The following STX18 variants were observed in gnomAD, a reference collection of about 807,000 sequenced individuals.
The protein encoded by STX18 is syntaxin-18.
A neutral mutation model predicts 50.1 loss-of-function variants in STX18; 40 were observed. The observed-to-expected ratio is 0.80, with a 90% CI of 0.62 to 1.04. The LOEUF (loss-of-function observed/expected upper bound fraction) is 1.04. Among genes scored for constraint, STX18 ranks in the 50% least tolerant of loss-of-function variants. The pLI is 0.00. For synonymous variants in STX18, 158 were observed against 151.8 expected, an observed-to-expected ratio of 1.04 and a Z score of -0.30; for missense variants, 410 against 415.8, an observed-to-expected ratio of 0.99 and a Z score of 0.12.
intron 2 of STX18, among the ~76,000 whole-genome samples, chr4:4,460,540 C>A (rs1041595686): frequency 2.0e-5 from 3 of 152,138 alleles, no homozygotes; most frequent in African/African-American, 7.2e-5. Flanking sequence ...CTTCTCACTC[C>A]CAATCACCAG....
chr4:4,537,360 C>T (rs950619707), intron 1 of STX18, among the ~76,000 whole-genome samples: 4 of 152,214 alleles, frequency 2.6e-5, no homozygotes, highest in African/African-American at 9.6e-5. Flanking sequence ...TCCTTACTCC[C>T]TATTCCCAGA....
intron 1 of STX18, among the ~76,000 whole-genome samples, chr4:4,514,192 G>A (rs1730134513): frequency 1.3e-5 from 2 of 152,190 alleles, no homozygotes; most frequent in Admixed American, 1.3e-4. Flanking sequence ...GAATCATGAA[G>A]AAAAGGATAC....
At chr4:4,515,714 T>C (rs981444094) in intron 1 of STX18, among the ~76,000 whole-genome samples, 4 of 152,178 alleles carry the variant, frequency 2.6e-5, no homozygotes, top group African/African-American at 9.6e-5. Context: ...AAATTACCTA[T>C]AGTTTTCTAA....
chr4:4,427,032 A>C (rs916082039), intron 7 of STX18, among the ~76,000 whole-genome samples: 10 of 152,078 alleles, frequency 6.6e-5, no homozygotes, highest in Non-Finnish European at 1.3e-4. Context: ...CTTGTTACCA[A>C]GTTCCCCTGT....
intron 7 of STX18, among the ~76,000 whole-genome samples, chr4:4,432,388 T>C (rs1351692229): frequency 1.3e-5 from 2 of 152,252 alleles, no homozygotes. Flanking sequence ...GCCACAGTCC[T>C]TCCCTGCTCA....
intron 5 of STX18, among the ~76,000 whole-genome samples, chr4:4,449,875 T>A (rs1726657699): frequency 6.6e-6 from 1 of 152,242 alleles, no homozygotes; most frequent in South Asian, 2.1e-4. Context: ...ATGCTTAAGT[T>A]ATCTCTAATT....
At chr4:4,474,551 C>T (rs1728078827) in intron 1 of STX18, among the ~76,000 whole-genome samples, 1 of 152,154 alleles carries the variant, frequency 6.6e-6, no homozygotes, top group African/African-American at 2.4e-5. Context: ...TAATGCAGCA[C>T]ATGAGTTAAG....
chr4:4,434,252 G>A (rs780023523), intron 7 of STX18, among the ~76,000 whole-genome samples: 4 of 152,300 alleles, frequency 2.6e-5, no homozygotes, highest in East Asian at 1.9e-4. Context: ...ATTGCTGGAC[G>A]TGAGCTGGCA....
At chr4:4,536,193 A>G (rs1043766762) in intron 1 of STX18, among the ~76,000 whole-genome samples, 7 of 152,252 alleles carry the variant, frequency 4.6e-5, no homozygotes, top group African/African-American at 1.7e-4. Context: ...TGTGAGTATC[A>G]CAGAGCTTTA....
chr4:4,499,925 T>C (rs1486502936), intron 1 of STX18, among the ~76,000 whole-genome samples: 1 of 152,162 alleles, frequency 6.6e-6, no homozygotes, highest in Non-Finnish European at 1.5e-5. Flanking sequence ...TTGACCCAAC[T>C]GCTCATGTTC....
chr4:4,497,177 A>G (rs552092133), intron 1 of STX18, among the ~76,000 whole-genome samples: 16 of 152,298 alleles, frequency 1.1e-4, no homozygotes, highest in Admixed American at 2.0e-4. Flanking sequence ...GATGACTCAC[A>G]CACTCCCCAG....
chr4:4,453,764 G>T, intron 5 of STX18: 1 of 727,136 alleles, frequency 1.4e-6, no homozygotes, highest in Non-Finnish European at 1.7e-6. Flanking sequence ...CTCAGGCACA[G>T]GTACCGTGGA....
intron 2 of STX18, among the ~76,000 whole-genome samples, chr4:4,465,997 C>G (rs1727602808): frequency 6.6e-6 from 1 of 152,180 alleles, no homozygotes. Context: ...TTGATCAAAT[C>G]ATGGCACTAT....
At chr4:4,496,135 C>G (rs1289039300) in intron 1 of STX18, among the ~76,000 whole-genome samples, 2 of 152,126 alleles carry the variant, frequency 1.3e-5, no homozygotes, top group Non-Finnish European at 2.9e-5. Flanking sequence ...AATCTAAGAT[C>G]CTCCATTTAA....
intron 1 of STX18, among the ~76,000 whole-genome samples, chr4:4,475,521 CTTTGA>C (rs559292538): frequency 4.4e-4 from 67 of 151,522 alleles, no homozygotes; most frequent in Admixed American, 1.6e-3. Context: ...TTCAACAAAT[CTTTGA>C]TTTATCTACA....
intron 8 of STX18, among the ~76,000 whole-genome samples, chr4:4,424,248 T>C (rs1373660088): frequency 6.6e-6 from 1 of 152,064 alleles, no homozygotes; most frequent in Admixed American, 6.5e-5. Context: ...AAACAGAAGC[T>C]GGCCCAAGCT....
chr4:4,489,794 AG>A (rs567578662), intron 1 of STX18, among the ~76,000 whole-genome samples: 1 of 152,298 alleles, frequency 6.6e-6, no homozygotes, highest in South Asian at 2.1e-4. Context: ...GAAAACTACT[AG>A]AAAAATAATA....
chr4:4,449,907 A>T (rs1022205878), intron 5 of STX18, among the ~76,000 whole-genome samples: 1 of 152,206 alleles, frequency 6.6e-6, no homozygotes, highest in Non-Finnish European at 1.5e-5. Flanking sequence ...CACCGCTTCA[A>T]ATTGATGGCT....
chr4:4,521,122 A>G (rs754645739), intron 1 of STX18, among the ~76,000 whole-genome samples: 2 of 152,152 alleles, frequency 1.3e-5, no homozygotes, highest in Non-Finnish European at 2.9e-5. Flanking sequence ...TATTTGTCCA[A>G]TAAAATGCAA....
Sources: gnomAD v4.1 joint callset for allele counts (sites outside exome capture counted in the v4.1 genomes callset) on GRCh38, gnomAD v4.1.1 for gene constraint, MANE v1.5 for transcripts, NCBI Gene and HGNC (gene_info 2026-07-23, HGNC 2026-07-21) for gene names.